ITFG2: variants seen among roughly 807,000 people sequenced by gnomAD.
ITFG2 encodes integrin alpha FG-GAP repeat containing 2, also known as KICSTOR complex protein ITFG2.
A neutral mutation model predicts 54.4 loss-of-function variants in ITFG2; 36 were observed. The ratio of observed to expected loss-of-function variants is 0.66; its 90% CI spans 0.51 to 0.87. The LOEUF is 0.87. Ranked by LOEUF, ITFG2 falls within the 40% of genes least tolerant of loss-of-function variation. The probability of loss-of-function intolerance (pLI) is 0.00; values close to 1 mark genes in which losing one functional copy is unlikely to be tolerated. For missense variants in ITFG2, 524 were observed against 576.7 expected, an observed-to-expected ratio of 0.91 and a Z score of 0.94; for synonymous variants, 211 against 225.4, an observed-to-expected ratio of 0.94 and a Z score of 0.57.
At chr12:2,830,628 G>A (rs570804313) in intron 2 of ITFG2, 3 of 1,461,932 alleles carry the variant, frequency 2.1e-6, no homozygotes, top group Admixed American at 2.1e-5. Context: ...TCTCCCATCA[G>A]GGCAGAGCAG....
intron 2 of ITFG2, among the ~76,000 whole-genome samples, chr12:2,841,669 G>A (rs1386727836): frequency 6.6e-6 from 1 of 152,036 alleles, no homozygotes; most frequent in Non-Finnish European, 1.5e-5. Context: ...AAAAACCTGT[G>A]TGAAACATCT....
At chr12:2,859,564 C>T in exon 4 of ITFG2, 2 of 1,614,038 alleles carry the variant, frequency 1.2e-6, no homozygotes, top group South Asian at 2.2e-5. Flanking sequence ...ATAGTCTGAA[C>T]TGGAAGCAAA....
At chr12:2,817,376 C>A in intron 2 of ITFG2, 58 bp downstream of exon 2, 2 of 1,262,292 alleles carry the variant, frequency 1.6e-6, no homozygotes, top group Non-Finnish European at 1.1e-6. Context: ...GTCCAGGGAC[C>A]ACCTAGGGTG....
chr12:2,824,247 C>T lies in ITFG2; in HGVS notation c.*54C>T. On this transcript the variant is annotated 3_prime_UTR_variant, in exon 12 of 12. Coordinates refer to ENST00000228799, the MANE Select transcript of ITFG2 (RefSeq NM_018463.4). ...TTCTTCTGAACCCCCACCCTACCCC[C>T]TAAAGGTATCTGTGGTATTGGCAGG... 1 of 1,528,928 alleles carries T rather than the reference C, an allele frequency of 6.5e-7. No individual in the cohort carries two copies. 94.7% of individuals were successfully genotyped at this position (1,528,928 alleles called of 1,614,324 possible).
chr12:2,848,996 C>A, intron 2 of ITFG2: 2 of 527,948 alleles, frequency 3.8e-6, no homozygotes, highest in South Asian at 2.3e-5. Context: ...GGCCGCAGTC[C>A]TCCCACCTTC....
chr12:2,849,111 G>T, intron 2 of ITFG2: 2 of 1,027,506 alleles, frequency 1.9e-6, no homozygotes, highest in Non-Finnish European at 2.7e-6. Context: ...TGGTGGAGAG[G>T]CTGTTCTGCA....
At position 2,824,413 on chromosome 12, in the gene ITFG2, A is replaced by G. The variant is rs2097957292; in HGVS notation, c.*220A>G. Reference sequence around the variant, plus strand: ...AAGTTGACCCTCTGCCCATTTCCTTATGGACCTCACCCATCATGCCAGCAG... The same window carrying G: ...AAGTTGACCCTCTGCCCATTTCCTTGTGGACCTCACCCATCATGCCAGCAG... On this transcript the variant is annotated 3_prime_UTR_variant, in exon 12 of 12. Transcript: ENST00000228799. 4.9e-6 allele frequency: 3 copies of G among 606,596 alleles called. No homozygotes were observed. Among genetic ancestry groups the G allele is most frequent in the African/African-American group, 3.6e-5 (2 of 55,160 alleles). 37.6% of individuals were successfully genotyped at this position (606,596 alleles called of 1,614,324 possible).
chr12:2,822,429 C>T lies in ITFG2; in HGVS notation c.949-365C>T, dbSNP rs141437628. Among the ~76,000 whole-genome samples the T allele has an allele frequency of 7.7e-3, 1,179 of 152,236 alleles. 10 individuals are homozygous for T. The highest frequency in any genetic ancestry group is 9.4e-3 in the Non-Finnish European group (638 of 68,018). On this transcript the variant is annotated intron_variant, in intron 9 of 11. Coordinates refer to ENST00000228799, the MANE Select transcript of ITFG2 (RefSeq NM_018463.4). ...GGCATATTTTGTAGGTTTTTCTTGTCCATATATGAATCTCTATTTAATATC... is the reference window on the plus strand; with the variant it reads ...GGCATATTTTGTAGGTTTTTCTTGTTCATATATGAATCTCTATTTAATATC...
intron 2 of ITFG2, among the ~76,000 whole-genome samples, chr12:2,850,965 C>T (rs1310620991): frequency 6.6e-6 from 1 of 151,076 alleles, no homozygotes. Flanking sequence ...AGCCAACACA[C>T]CAGGCCCAGA....
At chr12:2,851,205 C>T (rs373383036) in intron 2 of ITFG2, among the ~76,000 whole-genome samples, 1 of 151,966 alleles carries the variant, frequency 6.6e-6, no homozygotes, top group East Asian at 1.9e-4. Context: ...AGGGCACTTA[C>T]TGTGATGGAG....
At chr12:2,827,505 G>A (rs1401747044), downstream of ITFG2, 2 of 1,564,124 alleles carry the variant, frequency 1.3e-6, no homozygotes, top group African/African-American at 1.4e-5. The surrounding 1 kb of genome is among the most constrained non-coding windows in gnomAD (Gnocchi z 4.0). Flanking sequence ...CTCTAAGGAA[G>A]CAAAGGGACA....
In ITFG2 at chr12:2,812,713, A is replaced by G; in HGVS notation, c.-48A>G. ...CTGGCGGCTGTCGCGACGGGGGTTC[A>G]GGGAATATTTACTGGGCCTCTCCGC... On this transcript the variant is annotated 5_prime_UTR_variant, in exon 1 of 12. Coordinates refer to ENST00000228799, the MANE Select transcript of ITFG2 (RefSeq NM_018463.4). 6.5e-7 allele frequency: 1 copy of G among 1,531,148 alleles called. No homozygotes were observed. The highest frequency in any genetic ancestry group is 9.0e-7 in the Non-Finnish European group (1 of 1,107,614). 94.8% of individuals were successfully genotyped at this position (1,531,148 alleles called of 1,614,324 possible).
chr12:2,841,719 AT>A (rs113410637), intron 2 of ITFG2, among the ~76,000 whole-genome samples: 3,354 of 147,402 alleles, frequency 0.023, 117 homozygotes, highest in African/African-American at 0.074. Flanking sequence ...CTTTATATTG[AT>A]TTTTTTTTTT....
chr12:2,822,724 G>A (rs1404896454), intron 9 of ITFG2, 70 bp from the exon 10 acceptor site: 3 of 1,332,660 alleles, frequency 2.3e-6, no homozygotes, highest in Non-Finnish European at 3.2e-6. Context: ...TTCCTCCCCA[G>A]CTCGCTGTTT....
chr12:2,859,027 GT>G, intron 3 of ITFG2: 1 of 1,611,082 alleles, frequency 6.2e-7, no homozygotes, highest in Non-Finnish European at 8.5e-7. Flanking sequence ...CTGAAATCCA[GT>G]CCCCCTACTT....
In ITFG2 at chr12:2,849,227, C is replaced by T. The variant is rs575350085; in HGVS notation, n.300+8232C>T. On this transcript the variant is annotated intron_variant and non_coding_transcript_variant, in intron 2 of 3. Coordinates refer to the ITFG2 transcript ENST00000537710. The stretch of plus-strand genomic sequence containing the variant: ...TATCACGATCGTCCCCTCTGGAAGC[C>T]CTTCTAGAAGTGTCCAGGTCTTCTC... 2.7e-5 allele frequency: 42 copies of T among 1,532,582 alleles called. No homozygotes were observed. In the African/African-American group the frequency reaches 5.3e-4, roughly 20 times the overall value. 94.9% of individuals were successfully genotyped at this position (1,532,582 alleles called of 1,614,324 possible).
intron 4 of ITFG2, 53 bp from the exon 5 acceptor site, chr12:2,820,033 A>T: frequency 6.4e-7 from 1 of 1,561,214 alleles, no homozygotes; most frequent in Admixed American, 1.9e-5. Flanking sequence ...TTAGCAGAGG[A>T]GCGGGGGCTG....
chr12:2,822,975 C>T (rs1020810249), intron 10 of ITFG2, 64 bp downstream of exon 10: 339 of 1,257,240 alleles, frequency 2.7e-4, no homozygotes, highest in Non-Finnish European at 3.6e-4. Flanking sequence ...GTTAGGCATG[C>T]CAGGGAAGTG....
chr12:2,852,480 C>G, intron 2 of ITFG2, among the ~76,000 whole-genome samples: 1 of 152,164 alleles, frequency 6.6e-6, no homozygotes, highest in East Asian at 1.9e-4. Context: ...AGTCCTCCCA[C>G]TTCAGCCTCC....
Sources: allele counts gnomAD v4.1 joint callset (sites outside exome capture counted in the v4.1 genomes callset), GRCh38; gene constraint gnomAD v4.1.1; non-coding constraint Gnocchi (gnomAD v3.1); transcripts MANE v1.5; gene names NCBI Gene and HGNC (gene_info 2026-07-23, HGNC 2026-07-21).